The following PDZD9 variants were observed in gnomAD, a reference collection of about 807,000 sequenced individuals.
PDZD9 encodes the protein PDZ domain containing 9.
In PDZD9, 13 loss-of-function variants were observed where a neutral mutation model predicts 16.3. That is an observed-to-expected ratio of 0.80 (90% confidence interval 0.52 to 1.27). The LOEUF (loss-of-function observed/expected upper bound fraction) is 1.27. Among genes scored for constraint, PDZD9 ranks in the 50% most tolerant of loss-of-function variants. The pLI, the probability that PDZD9 is intolerant of heterozygous loss-of-function variation, is 0.00. For synonymous variants in PDZD9, 120 were observed against 111.0 expected (o/e 1.08, Z -0.51); for missense variants, 288 against 310.9 (o/e 0.93, Z 0.55).
the PDZD9 span, chr16:21,958,515 A>G: frequency 6.2e-7 from 1 of 1,610,670 alleles, no homozygotes; most frequent in Non-Finnish European, 8.5e-7. Context: ...TACAAAGATA[A>G]TCATTCTTTC....
At chr16:21,981,903 C>T (rs1442261559), downstream of PDZD9, among the ~76,000 whole-genome samples, 2 of 149,766 alleles carry the variant, frequency 1.3e-5, no homozygotes, top group African/African-American at 4.9e-5. Context: ...TGCAGTGGCG[C>T]GATCTCGGCT....
At position 21,997,123 on chromosome 16, in the gene PDZD9, C is replaced by T. The variant is rs13331714; in HGVS notation, c.32-622G>A. Reference sequence around the variant, plus strand: ...CAGGTGTGAGCCACCGTGCCTGGCCCACATGTGTTTCTTGTCCTCATGAAT... The same window carrying T: ...CAGGTGTGAGCCACCGTGCCTGGCCTACATGTGTTTCTTGTCCTCATGAAT... On this transcript the variant is annotated intron_variant, in intron 1 of 3. Transcript: ENST00000424898. Among the ~76,000 whole-genome samples the T allele has an allele frequency of 9.2e-3, 1,401 of 152,258 alleles. 25 individuals are homozygous for T. Among genetic ancestry groups the T allele is most frequent in the African/African-American group, 0.032 (1,324 of 41,562 alleles).
downstream of PDZD9, chr16:21,982,951 G>A (rs570000799): frequency 5.2e-6 from 4 of 763,390 alleles, no homozygotes; most frequent in Admixed American, 3.0e-5. Context: ...GTGACAGAGC[G>A]AGACTCCACC....
chr16:21,988,613 G>A lies in PDZD9; in HGVS notation c.390C>T (p.Phe130=). The A allele has an allele frequency of 6.2e-7, 1 of 1,609,504 alleles. No individual in the cohort carries two copies. The highest frequency in any genetic ancestry group is 8.5e-7 in the Non-Finnish European group (1 of 1,177,524). ...EIYDLIPEAK[F]PVTSTPKKIE... ...AATGAACTATTTACCTTGTTACTGGGAATTTGGCCTCAGGGATTAAATCAT... is the reference window on the plus strand; with the variant it reads ...AATGAACTATTTACCTTGTTACTGGAAATTTGGCCTCAGGGATTAAATCAT... Residue 130 remains phenylalanine, a synonymous_variant, in exon 3 of 4, where the codon TTC becomes TTT. Transcript: ENST00000424898.
At chr16:21,980,683 A>G (rs770710832), downstream of PDZD9, 37 of 1,613,532 alleles carry the variant, frequency 2.3e-5, no homozygotes, top group Middle Eastern at 3.3e-4. Context: ...TTCAGTGGCT[A>G]ATGCTGATAT....
chr16:21,967,258 G>A, the PDZD9 span, among the ~76,000 whole-genome samples: 17 of 152,180 alleles, frequency 1.1e-4, no homozygotes, highest in East Asian at 2.7e-3. Context: ...TTTAGGGCAC[G>A]GATTATGATA....
At chr16:21,973,832 T>TA in the PDZD9 span, 6 of 1,500,298 alleles carry the variant, frequency 4.0e-6, no homozygotes, top group South Asian at 6.0e-5. Context: ...TAGGCAAACT[T>TA]AAAGAAATCG....
chr16:21,981,108 T>G (rs1383184129), downstream of PDZD9, among the ~76,000 whole-genome samples: 1 of 152,178 alleles, frequency 6.6e-6, no homozygotes, highest in Non-Finnish European at 1.5e-5. Flanking sequence ...ACCTAAATAG[T>G]GAAGTTTGCT....
chr16:21,982,963 C>CAAA (rs1036084484), downstream of PDZD9: 170 of 537,346 alleles, frequency 3.2e-4, no homozygotes, highest in African/African-American at 7.8e-4. Context: ...GACTCCACCT[C>CAAA]AAAAAAAAAA....
the PDZD9 span, chr16:21,974,077 C>T: frequency 6.7e-6 from 7 of 1,051,712 alleles, no homozygotes; most frequent in Middle Eastern, 2.1e-4. Context: ...GAATGCAGTG[C>T]AATGACTTAT....
At chr16:21,983,024 T>A (rs962208490), downstream of PDZD9, 18 of 1,453,662 alleles carry the variant, frequency 1.2e-5, no homozygotes, top group Admixed American at 3.2e-4. Flanking sequence ...CAAAATAAGT[T>A]CGCCTGCTTG....
chr16:21,958,666 C>G, the PDZD9 span: 1 of 1,408,516 alleles, frequency 7.1e-7, no homozygotes. Flanking sequence ...GGGAACTTTT[C>G]TCTGTTATCA....
downstream of PDZD9, chr16:21,980,626 G>A (rs1233348558): frequency 2.5e-6 from 4 of 1,614,188 alleles, no homozygotes; most frequent in East Asian, 8.9e-5. Flanking sequence ...CCAGGCTCTA[G>A]TTGCTGGTTC....
chr16:21,988,851 T>A, intron 2 of PDZD9, 60 bp from the exon 3 acceptor site: 1 of 1,381,500 alleles, frequency 7.2e-7, no homozygotes, highest in South Asian at 1.4e-5. Flanking sequence ...CTATATTGAT[T>A]TCTGGCTTTA....
the PDZD9 span, chr16:21,971,945 A>C: frequency 6.2e-7 from 1 of 1,614,118 alleles, no homozygotes; most frequent in Non-Finnish European, 8.5e-7. Flanking sequence ...AACAGAATGG[A>C]GACAGTCTTG....
chr16:21,993,917 C>G (rs1899083232), intron 2 of PDZD9, among the ~76,000 whole-genome samples: 2 of 152,166 alleles, frequency 1.3e-5, no homozygotes, highest in African/African-American at 4.8e-5. Flanking sequence ...AATCCCAGTA[C>G]TTTTGGAGGC....
At chr16:21,995,498 G>A (rs1242349758) in intron 2 of PDZD9, among the ~76,000 whole-genome samples, 3 of 152,206 alleles carry the variant, frequency 2.0e-5, no homozygotes, top group Non-Finnish European at 4.4e-5. Flanking sequence ...ACAGGTGTAA[G>A]CCACTGTACC....
chr16:21,965,903 T>A, the PDZD9 span, among the ~76,000 whole-genome samples: 1 of 152,150 alleles, frequency 6.6e-6, no homozygotes, highest in African/African-American at 2.4e-5. Context: ...AGGCTGGTCT[T>A]GAACTCTTAA....
intron 1 of PDZD9, 111 bp downstream of exon 1, chr16:22,000,906 G>GA: frequency 1.0e-6 from 1 of 1,004,402 alleles, no homozygotes; most frequent in Non-Finnish European, 1.5e-6. Flanking sequence ...CAACGATGGA[G>GA]AGAGGTTATC....
Sources: allele counts gnomAD v4.1 joint callset (sites outside exome capture counted in the v4.1 genomes callset), GRCh38; gene constraint gnomAD v4.1.1; transcripts MANE v1.5; gene names NCBI Gene and HGNC (gene_info 2026-07-23, HGNC 2026-07-21).